FAM53A: variants seen among roughly 807,000 people sequenced by gnomAD.
FAM53A encodes family with sequence similarity 53 member A.
FAM53A carries 28 observed loss-of-function variants against 26.6 expected under a neutral mutation model. That is an observed-to-expected ratio of 1.05 (90% confidence interval 0.78 to 1.45). The LOEUF (loss-of-function observed/expected upper bound fraction) is 1.45. Ranked by LOEUF, FAM53A falls within the 40% of genes most tolerant of loss-of-function variation. FAM53A has a pLI of 0.00. For synonymous variants in FAM53A, 290 were observed against 253.1 expected (o/e 1.15, Z -1.38); for missense variants, 650 against 575.8 (o/e 1.13, Z -1.32).
At chr4:1,626,696 G>A (rs538323905) in intron 1 of FAM53A, among the ~76,000 whole-genome samples, 1 of 152,074 alleles carries the variant, frequency 6.6e-6, no homozygotes, top group Admixed American at 6.5e-5. Context: ...CCGGGACAGT[G>A]CAGACTCTCA....
In FAM53A at chr4:1,655,442, CG is replaced by C; in HGVS notation, c.417del (p.Gly140AlafsTer151). ...ELVRCRSPWRPGSSKVWTPVS... is the reference protein window; with the variant it reads ...ELVRCRSPWRXGSSKVWTPVS... The stretch of plus-strand genomic sequence containing the variant: ...ACTGGAGTCCAGACCTTGGAGCTGC[CG>C]GGGCGCCAGGGGGACCGGCAGCGCA... On this transcript the variant is annotated frameshift_variant, in exon 4 of 5. Transcript: ENST00000308132. LOFTEE classifies it high-confidence loss of function. 6.6e-7 allele frequency: 1 copy of C among 1,522,458 alleles called. No homozygotes were observed. Among genetic ancestry groups the C allele is most frequent in the Non-Finnish European group, 8.8e-7 (1 of 1,135,090 alleles). 94.3% of individuals were successfully genotyped at this position (1,522,458 alleles called of 1,614,324 possible). A position where few individuals can be genotyped will look rare whatever the true frequency, so the allele number is the denominator to read the frequency against.
At chr4:1,648,476 C>CCT (rs1464051734) in intron 4 of FAM53A, among the ~76,000 whole-genome samples, 1 of 152,138 alleles carries the variant, frequency 6.6e-6, no homozygotes, top group Non-Finnish European at 1.5e-5. Context: ...TTGGCACTGT[C>CCT]CTCTGCAGCC....
In FAM53A at chr4:1,657,998, C is replaced by T. The variant is rs1420419274; in HGVS notation, c.76-530G>A. On this transcript the variant is annotated intron_variant, in intron 2 of 4. Transcript: ENST00000308132. Reference sequence around the variant, plus strand: ...TTTCTGTTTTTAAAAGAGCTGTTAACACTAAGCAGACTTTTTTTTTGTCTG... The same window carrying T: ...TTTCTGTTTTTAAAAGAGCTGTTAATACTAAGCAGACTTTTTTTTTGTCTG... Among the ~76,000 whole-genome samples the T allele has an allele frequency of 2.7e-5, 4 of 150,898 alleles. No homozygotes were observed. In the East Asian group the frequency reaches 7.8e-4, roughly 30 times the overall value.
intron 1 of FAM53A, among the ~76,000 whole-genome samples, chr4:1,670,418 C>T (rs2109010561): frequency 6.6e-6 from 1 of 152,356 alleles, no homozygotes; most frequent in Admixed American, 6.5e-5. Context: ...TTCCCGTCAC[C>T]AGGCACAGCC....
downstream of FAM53A, among the ~76,000 whole-genome samples, chr4:1,614,776 G>A (rs1714748898): frequency 1.3e-5 from 2 of 152,140 alleles, no homozygotes; most frequent in East Asian, 1.9e-4. Context: ...CACAGACACC[G>A]CACTGAGCGT....
intron 1 of FAM53A, among the ~76,000 whole-genome samples, chr4:1,629,208 C>T (rs1279584189): frequency 1.3e-5 from 2 of 152,088 alleles, no homozygotes; most frequent in African/African-American, 4.8e-5. Context: ...CCATCCCCAC[C>T]GCACCTGGGA....
chr4:1,685,270 CCCCTGGGGTGGGAGGGGCCTGAGGGA>C (rs1260420279), upstream of FAM53A, among the ~76,000 whole-genome samples: 49 of 152,228 alleles, frequency 3.2e-4, no homozygotes, highest in African/African-American at 1.1e-3. Flanking sequence ...TGGCGAGGGG[CCCCTGGGGTGGGAGGGGCCTGAGGGA>C]CCCTGCGGTC....
At chr4:1,633,484 A>G (rs1380306632) in intron 1 of FAM53A, among the ~76,000 whole-genome samples, 1 of 152,196 alleles carries the variant, frequency 6.6e-6, no homozygotes, top group Non-Finnish European at 1.5e-5. Flanking sequence ...ACTGAGCAAG[A>G]GAGACTGGAA....
chr4:1,626,773 G>A (rs980065417), intron 1 of FAM53A, among the ~76,000 whole-genome samples: 41 of 151,958 alleles, frequency 2.7e-4, no homozygotes, highest in African/African-American at 9.2e-4. Flanking sequence ...GCCATGCCCT[G>A]AGCCCAGAGA....
At chr4:1,649,111 G>C (rs1294046994) in intron 4 of FAM53A, among the ~76,000 whole-genome samples, 1 of 148,894 alleles carries the variant, frequency 6.7e-6, no homozygotes, top group Non-Finnish European at 1.5e-5. Context: ...AAAACAGAAA[G>C]GGAAAGGGAA....
chr4:1,596,688 C>T, the FAM53A span, among the ~76,000 whole-genome samples: 4 of 152,244 alleles, frequency 2.6e-5, no homozygotes, highest in Middle Eastern at 3.4e-3. Flanking sequence ...TGGCCTCCAC[C>T]GAGGCCGTGC....
At chr4:1,609,639 T>C in the FAM53A span, among the ~76,000 whole-genome samples, 1 of 152,206 alleles carries the variant, frequency 6.6e-6, no homozygotes, top group East Asian at 1.9e-4. Context: ...TCCTGAGGCC[T>C]CCTCAGTACA....
intron 1 of FAM53A, among the ~76,000 whole-genome samples, chr4:1,618,881 G>A (rs889453762): frequency 3.9e-5 from 6 of 152,198 alleles, no homozygotes; most frequent in South Asian, 2.1e-4. Flanking sequence ...AGGCCTCCAC[G>A]GCCCCCCGAG....
intron 1 of FAM53A, among the ~76,000 whole-genome samples, chr4:1,671,001 C>T (rs1247076534): frequency 2.0e-5 from 3 of 148,822 alleles, no homozygotes; most frequent in Non-Finnish European, 4.4e-5. Flanking sequence ...TCTGTCCCAG[C>T]GTCAGAGCCA....
chr4:1,645,100 G>A (rs7686315), intron 4 of FAM53A: 9,935 of 152,742 alleles, frequency 0.065, 404 homozygotes, highest in Middle Eastern at 0.17. Context: ...CAAGGGTGGG[G>A]GGTGCTCCCC....
chr4:1,676,528 G>T (rs572581589), intron 1 of FAM53A, among the ~76,000 whole-genome samples: 1 of 152,026 alleles, frequency 6.6e-6, no homozygotes, highest in Non-Finnish European at 1.5e-5. Context: ...ATTTCACCAC[G>T]GCGACACACA....
chr4:1,638,802 G>GC (rs1715965677), downstream of FAM53A, among the ~76,000 whole-genome samples: 1 of 152,136 alleles, frequency 6.6e-6, no homozygotes, highest in African/African-American at 2.4e-5. Flanking sequence ...GCAGTCAGTG[G>GC]CCCCCCTCCT....
At chr4:1,597,349 G>C in the FAM53A span, among the ~76,000 whole-genome samples, 23 of 152,206 alleles carry the variant, frequency 1.5e-4, no homozygotes, top group Admixed American at 1.5e-3. Context: ...CTTGAGGTGA[G>C]GGGAGCCCTG....
At chr4:1,621,206 C>A (rs1715017620) in intron 1 of FAM53A, among the ~76,000 whole-genome samples, 1 of 150,150 alleles carries the variant, frequency 6.7e-6, no homozygotes, top group Non-Finnish European at 1.5e-5. Context: ...AGGGTTCATG[C>A]CATTCTCCTG....
Sources: gnomAD v4.1 joint callset for allele counts (sites outside exome capture counted in the v4.1 genomes callset) on GRCh38, gnomAD v4.1.1 for gene constraint, MANE v1.5 for transcripts, NCBI Gene and HGNC (gene_info 2026-07-23, HGNC 2026-07-21) for gene names.